Variants in KIF26A observed in about 807,000 individuals in gnomAD.
The protein encoded by KIF26A is kinesin-like protein KIF26A.
A neutral mutation model predicts 126.0 loss-of-function variants in KIF26A; 74 were observed. The ratio of observed to expected loss-of-function variants is 0.59; its 90% CI spans 0.49 to 0.71. The LOEUF (loss-of-function observed/expected upper bound fraction) is 0.71. Among genes scored for constraint, KIF26A ranks in the 30% least tolerant of loss-of-function variants. The pLI, the probability that KIF26A is intolerant of heterozygous loss-of-function variation, is 0.00. For synonymous variants in KIF26A, 1,445 were observed against 1,232.7 expected (o/e 1.17, Z -3.61); for missense variants, 2,984 against 2,763.3 (o/e 1.08, Z -1.79).
At chr14:104,146,039 C>CCCTGGAGTCACCCAG (rs1224230887) in intron 2 of KIF26A, among the ~76,000 whole-genome samples, 6 of 152,220 alleles carry the variant, frequency 3.9e-5, no homozygotes, top group Admixed American at 3.3e-4. Context: ...GGCAAGGGTG[C>CCCTGGAGTCACCCAG]GTCTCTGGGC....
At position 104,152,404 on chromosome 14, in the gene KIF26A, C is replaced by G; in HGVS notation, c.678C>G (p.Cys226Trp). 6.3e-7 allele frequency: 1 copy of G among 1,599,308 alleles called. No homozygotes were observed. Among genetic ancestry groups the G allele is most frequent in the Non-Finnish European group, 8.5e-7 (1 of 1,174,214 alleles). The change falls in exon 3 of 15, where the codon TGC becomes TGG. Residue 226 changes from cysteine (C) to tryptophan (W), a missense_variant. Physicochemically the swap from Cys to Trp is radical, Grantham distance 215 (BLOSUM62 -2). Coordinates refer to ENST00000423312, the MANE Select transcript of KIF26A (RefSeq NM_015656.2). This position sits in a 1 kb window ranked among gnomAD's most constrained non-coding sequence, Gnocchi z 5.9. ...CGGTCACCATCCAGGCCCAGCAGTG[C>G]CTGGAGGGCATGTGGAGTGTCTCGC... ...LSTVTIQAQQ[C>W]LEGMWSVSRV...
In KIF26A at chr14:104,179,877, G is replaced by T. The variant is rs1407500036; in HGVS notation, c.*87G>T. 2 of 1,331,300 alleles carry T rather than the reference G, an allele frequency of 1.5e-6. No individual in the cohort carries two copies. The highest frequency in any genetic ancestry group is 5.3e-5 in the Admixed American group (2 of 38,020). 82.5% of individuals were successfully genotyped at this position (1,331,300 alleles called of 1,614,324 possible). Reference sequence around the variant, plus strand: ...AGCGAGGATGTGGTGGGGGCTGCGGGGGGAGGATGCGGAGGGGTTTCTGTG... The same window carrying T: ...AGCGAGGATGTGGTGGGGGCTGCGGTGGGAGGATGCGGAGGGGTTTCTGTG... On this transcript the variant is annotated 3_prime_UTR_variant, in exon 15 of 15. Transcript: ENST00000423312.
chr14:104,166,301 A>G (rs1473936801), intron 4 of KIF26A, among the ~76,000 whole-genome samples: 2 of 152,098 alleles, frequency 1.3e-5, no homozygotes, highest in Non-Finnish European at 2.9e-5. Context: ...CAGCAGGATT[A>G]ATTGAGCCCT....
At chr14:104,170,893 T>G (rs2037950474) in intron 5 of KIF26A, among the ~76,000 whole-genome samples, 1 of 152,232 alleles carries the variant, frequency 6.6e-6, no homozygotes, top group African/African-American at 2.4e-5. Flanking sequence ...GGTGCCTGTA[T>G]GTGGCCCAGT....
Position 104,141,230 on chromosome 14 carries a change from C to T in KIF26A, c.288+1942C>T, listed in dbSNP as rs530900409. Reference sequence around the variant, plus strand: ...GCCAGGGAGACCCCAGTGTGCTCCCCGGAGTCTGGTGCACTGTCCAGTGGG... The same window carrying T: ...GCCAGGGAGACCCCAGTGTGCTCCCTGGAGTCTGGTGCACTGTCCAGTGGG... On this transcript the variant is annotated intron_variant, in intron 2 of 14. Transcript: ENST00000423312. Among the ~76,000 whole-genome samples the T allele has an allele frequency of 2.4e-3, 372 of 152,304 alleles. 3 individuals carry two copies. The highest frequency in any genetic ancestry group is 8.4e-3 in the African/African-American group (348 of 41,572).
At position 104,152,580 on chromosome 14, in the gene KIF26A, G is replaced by A. The variant is rs8012419; in HGVS notation, c.735+119G>A. On this transcript the variant is annotated intron_variant, in intron 3 of 14. Coordinates refer to ENST00000423312, the MANE Select transcript of KIF26A (RefSeq NM_015656.2). The surrounding 1 kb of genome is among the most constrained non-coding windows in gnomAD (Gnocchi z 5.9). ...TAAGGCTTCCCTGAAGGGAGGGGAC[G>A]GCGGGCATGGGGGTTCCTGACACTC... is the stretch of plus-strand genomic sequence containing the variant. The A allele has an allele frequency of 1.4e-4, 137 of 947,782 alleles. 1 individual carries two copies. In the African/African-American group the frequency reaches 2.0e-3, roughly 14 times the overall value. 58.7% of individuals were successfully genotyped at this position (947,782 alleles called of 1,614,324 possible).
At chr14:104,144,976 G>C (rs1232740195) in intron 2 of KIF26A, among the ~76,000 whole-genome samples, 2 of 152,212 alleles carry the variant, frequency 1.3e-5, no homozygotes, top group Non-Finnish European at 2.9e-5. Flanking sequence ...AGCCAGGCTG[G>C]GTGGTCTGGC....
rs1329562830 is a variant in KIF26A, at chr14:104,177,176, C to G, written c.4388C>G (p.Pro1463Arg). The part of the protein sequence containing the change: ...EAPGRPPRAV[P>R]KLGVPPSSPT... ...CCTGGGCGGCCTCCCCGGGCTGTAC[C>G]CAAGCTGGGTGTGCCACCCTCCAGC... is the stretch of plus-strand genomic sequence containing the variant. The change falls in exon 12 of 15, where the codon CCC becomes CGC. Residue 1463 changes from proline (P) to arginine (R), a missense_variant. By Grantham distance (103) the Pro-to-Arg change is moderately radical. Coordinates refer to ENST00000423312, the MANE Select transcript of KIF26A (RefSeq NM_015656.2). 1 of 1,596,796 alleles carries G rather than the reference C, an allele frequency of 6.3e-7. No homozygotes were observed. Among genetic ancestry groups the G allele is most frequent in the Non-Finnish European group, 8.5e-7 (1 of 1,178,328 alleles).
intron 2 of KIF26A, among the ~76,000 whole-genome samples, chr14:104,145,189 C>T (rs979554944): frequency 9.2e-5 from 14 of 152,236 alleles, no homozygotes; most frequent in Admixed American, 5.2e-4. Flanking sequence ...TGGGCTGCGT[C>T]GTCACTGTTG....
chr14:104,161,832 T>C (rs2037835585), intron 4 of KIF26A, among the ~76,000 whole-genome samples: 1 of 152,178 alleles, frequency 6.6e-6, no homozygotes, highest in Non-Finnish European at 1.5e-5. Flanking sequence ...GGATGGGGGC[T>C]GTTTATGCAG....
chr14:104,174,352 G>A (rs1164206101), intron 11 of KIF26A, 42 bp downstream of exon 11: 33 of 1,476,894 alleles, frequency 2.2e-5, no homozygotes, highest in Middle Eastern at 2.4e-4. Context: ...GGGCCGTCTC[G>A]GCTCCTGTGT....
chr14:104,150,758 C>A (rs12588775), intron 2 of KIF26A, among the ~76,000 whole-genome samples: 3 of 152,186 alleles, frequency 2.0e-5, no homozygotes, highest in Non-Finnish European at 4.4e-5. Context: ...GGCCAGCCAT[C>A]GAGCCAGGGA....
At chr14:104,165,656 T>A (rs2037887587) in intron 4 of KIF26A, among the ~76,000 whole-genome samples, 1 of 149,506 alleles carries the variant, frequency 6.7e-6, no homozygotes, top group South Asian at 2.1e-4. Context: ...TATGCATGTG[T>A]GTGTATCTGT....
chr14:104,149,403 C>G lies in KIF26A; in HGVS notation c.289-2612C>G, dbSNP rs555650891. 5.9e-5 allele frequency among the ~76,000 whole-genome samples: 9 copies of G among 152,310 alleles called. No individual in the cohort carries two copies. In the East Asian group the frequency reaches 1.7e-3, roughly 29 times the overall value. The stretch of plus-strand genomic sequence containing the variant: ...ACCTGGGCTGCTGGGGGAAGGTACC[C>G]TGGCCCAGATGCCTGGGCCGCCGCT... On this transcript the variant is annotated intron_variant, in intron 2 of 14. Coordinates refer to ENST00000423312, the MANE Select transcript of KIF26A (RefSeq NM_015656.2).
intron 2 of KIF26A, among the ~76,000 whole-genome samples, chr14:104,143,157 C>G (rs2037651801): frequency 6.6e-6 from 1 of 152,258 alleles, no homozygotes. Flanking sequence ...CCGTGCATCT[C>G]TTGCTTATCC....
chr14:104,140,573 G>C (rs1006074839), intron 2 of KIF26A, among the ~76,000 whole-genome samples: 13 of 152,206 alleles, frequency 8.5e-5, no homozygotes, highest in Admixed American at 3.9e-4. Flanking sequence ...TGGCCCTGGG[G>C]CCATGGTCCT....
At chr14:104,155,101 CG>C (rs902686689) in intron 3 of KIF26A, among the ~76,000 whole-genome samples, 2 of 152,178 alleles carry the variant, frequency 1.3e-5, no homozygotes, top group African/African-American at 4.8e-5. Context: ...CATCCACACC[CG>C]TGCAGGGGTG....
Position 104,176,139 on chromosome 14 carries a change from C to T in KIF26A, c.3351C>T (p.Val1117=), listed in dbSNP as rs550473609. ...GSSISSWLSE[V]SVCTADSRDP... ...CCATCAGCTCCTGGCTCAGCGAGGT[C>T]AGCGTCTGCACTGCCGACAGCCGTG... Residue 1117 remains valine, a synonymous_variant, in exon 12 of 15, where the codon GTC becomes GTT. Coordinates refer to ENST00000423312, the MANE Select transcript of KIF26A (RefSeq NM_015656.2). 1 of 1,582,552 alleles carries T rather than the reference C, an allele frequency of 6.3e-7. No homozygotes were observed. The highest frequency in any genetic ancestry group is 2.3e-5 in the East Asian group (1 of 43,080).
chr14:104,179,569 G>T, intron 14 of KIF26A, 40 bp from the exon 15 acceptor site: 1 of 1,475,354 alleles, frequency 6.8e-7, no homozygotes. Flanking sequence ...CCAGCCTCGG[G>T]CCTGACGCAG....
Sources: allele counts gnomAD v4.1 joint callset (sites outside exome capture counted in the v4.1 genomes callset), GRCh38; gene constraint gnomAD v4.1.1; non-coding constraint Gnocchi (gnomAD v3.1); transcripts MANE v1.5; gene names NCBI Gene and HGNC (gene_info 2026-07-23, HGNC 2026-07-21).